The following ANO1 variants were observed in gnomAD, a reference collection of about 807,000 sequenced individuals.
ANO1 encodes the protein anoctamin 1, also known as anoctamin-1.
ANO1 carries 59 observed loss-of-function variants against 124.0 expected under a neutral mutation model. The ratio of observed to expected loss-of-function variants is 0.48; its 90% CI spans 0.39 to 0.59. The LOEUF is 0.59. Ranked by LOEUF, ANO1 falls within the 20% of genes least tolerant of loss-of-function variation. ANO1 has a pLI of 0.00. For missense variants in ANO1, 1,059 were observed against 1,328.0 expected (o/e 0.80, Z 3.15); for synonymous variants, 529 against 532.0 (o/e 0.99, Z 0.08).
intron 1 of ANO1, among the ~76,000 whole-genome samples, chr11:70,027,068 C>A (rs1555003315): frequency 6.6e-6 from 1 of 152,198 alleles, no homozygotes; most frequent in Non-Finnish European, 1.5e-5. Flanking sequence ...AGGATGACAG[C>A]AACACACTCC....
intron 1 of ANO1, among the ~76,000 whole-genome samples, chr11:70,001,931 C>T (rs1856389061): frequency 6.6e-6 from 1 of 152,052 alleles, no homozygotes; most frequent in Non-Finnish European, 1.5e-5. Flanking sequence ...TCTCCAGTAG[C>T]TCGGATTACA....
intron 1 of ANO1, among the ~76,000 whole-genome samples, chr11:70,030,150 G>T (rs1856975781): frequency 6.6e-6 from 1 of 152,324 alleles, no homozygotes; most frequent in South Asian, 2.1e-4. Flanking sequence ...AGCGAAAGTT[G>T]CTCAGTCTCC....
chr11:70,102,375 C>T (rs779937196), intron 2 of ANO1, among the ~76,000 whole-genome samples: 1 of 152,184 alleles, frequency 6.6e-6, no homozygotes, highest in Non-Finnish European at 1.5e-5. Flanking sequence ...AGCCAGCGCT[C>T]GGTGACTCTC....
chr11:70,153,550 G>T (rs2047684111), intron 14 of ANO1, among the ~76,000 whole-genome samples: 1 of 152,174 alleles, frequency 6.6e-6, no homozygotes, highest in Non-Finnish European at 1.5e-5. Flanking sequence ...AGAAGCCTTT[G>T]CCAAACCAGC....
chr11:70,121,212 T>C (rs1295537751), intron 8 of ANO1, among the ~76,000 whole-genome samples: 3 of 151,924 alleles, frequency 2.0e-5, no homozygotes, highest in Admixed American at 1.3e-4. Context: ...CACTTCTCTC[T>C]GTCCATCTCT....
intron 2 of ANO1, among the ~76,000 whole-genome samples, chr11:70,097,645 C>T (rs2045054362): frequency 6.6e-6 from 1 of 152,192 alleles, no homozygotes; most frequent in Non-Finnish European, 1.5e-5. Context: ...GCCTTCCCTG[C>T]CCCCTCGTCC....
chr11:70,152,559 C>T (rs1018829501), intron 13 of ANO1, 98 bp downstream of exon 13: 10 of 1,409,112 alleles, frequency 7.1e-6, no homozygotes, highest in Middle Eastern at 1.8e-4. Context: ...ACGCAGTTCC[C>T]GCAGTTCCTC....
In ANO1 at chr11:70,188,430, G is replaced by A. The variant is rs779861036; in HGVS notation, c.*426G>A. 6.2e-6 allele frequency: 1 copy of A among 162,174 alleles called. No homozygotes were observed. The highest frequency in any genetic ancestry group is 1.3e-5 in the Non-Finnish European group (1 of 74,794). The allele number at this position is 162,174 out of a possible 1,614,324, so 10.0% of individuals were successfully genotyped here. On this transcript the variant is annotated 3_prime_UTR_variant, in exon 26 of 26. Transcript: ENST00000355303. ...CGAGGCATCGCGCAAAAGCTGGTGCGATGCTTCAGGGAAAATGGAAAACCC... is the reference window on the plus strand; with the variant it reads ...CGAGGCATCGCGCAAAAGCTGGTGCAATGCTTCAGGGAAAATGGAAAACCC...
At chr11:70,066,330 T>C (rs971648349) in intron 1 of ANO1, among the ~76,000 whole-genome samples, 2 of 152,224 alleles carry the variant, frequency 1.3e-5, no homozygotes, top group South Asian at 2.1e-4. Context: ...GACCCCATGC[T>C]TGGTGTTTGG....
chr11:70,002,461 C>CAAAAAAAAAAAAAAAAAA (rs56246522), intron 1 of ANO1, among the ~76,000 whole-genome samples: 1 of 94,956 alleles, frequency 1.1e-5, no homozygotes, highest in African/African-American at 3.6e-5. Flanking sequence ...GAGACTCCAC[C>CAAAAAAAAAAAAAAAAAA]AAAAAAAAAA....
intron 12 of ANO1, 170 bp downstream of exon 12, chr11:70,149,962 C>G: frequency 1.4e-6 from 1 of 725,770 alleles, no homozygotes; most frequent in Non-Finnish European, 2.4e-6. Flanking sequence ...ACTCAACACC[C>G]TGGCGTTCCG....
chr11:70,041,582 TAAC>T (rs1156956441), intron 1 of ANO1, among the ~76,000 whole-genome samples: 4 of 152,146 alleles, frequency 2.6e-5, no homozygotes, highest in Admixed American at 6.5e-5. Flanking sequence ...TGAGCTCAAA[TAAC>T]AACAACAGCA....
chr11:70,046,844 T>C (rs1008698849), intron 1 of ANO1, among the ~76,000 whole-genome samples: 3 of 151,874 alleles, frequency 2.0e-5, no homozygotes, highest in Non-Finnish European at 4.4e-5. Context: ...GAGGCTGAGA[T>C]GGGAGGATCA....
intron 22 of ANO1, among the ~76,000 whole-genome samples, chr11:70,172,865 CA>C (rs59435571): frequency 2.1e-3 from 287 of 139,474 alleles, no homozygotes; most frequent in Middle Eastern, 3.7e-3. Context: ...GACTCCATCT[CA>C]AAAAAAAAAA....
At chr11:70,057,125 TTTG>T (rs564707333) in intron 1 of ANO1, among the ~76,000 whole-genome samples, 72 of 152,340 alleles carry the variant, frequency 4.7e-4, no homozygotes, top group African/African-American at 1.4e-3. Flanking sequence ...CTTGTTTTAC[TTTG>T]TTTTGTTTCT....
chr11:70,185,528 C>A, intron 24 of ANO1, 62 bp from the exon 25 acceptor site: 1 of 1,513,766 alleles, frequency 6.6e-7, no homozygotes, highest in Non-Finnish European at 9.1e-7. Flanking sequence ...AGCTGCCTGA[C>A]TCCAGCCAGA....
At chr11:70,086,593 G>T (rs568691672) in intron 1 of ANO1, among the ~76,000 whole-genome samples, 1 of 152,210 alleles carries the variant, frequency 6.6e-6, no homozygotes, top group African/African-American at 2.4e-5. Flanking sequence ...CGCAGGCCAC[G>T]TGTGGGGAAG....
intron 1 of ANO1, among the ~76,000 whole-genome samples, chr11:70,029,234 G>T (rs1048765296): frequency 6.6e-6 from 1 of 152,216 alleles, no homozygotes; most frequent in Admixed American, 6.5e-5. Flanking sequence ...GGGTTGTCCT[G>T]TGGTGCTTTC....
At chr11:70,003,631 A>C (rs944763382) in intron 1 of ANO1, among the ~76,000 whole-genome samples, 1 of 151,710 alleles carries the variant, frequency 6.6e-6, no homozygotes, top group Non-Finnish European at 1.5e-5. Context: ...GGATGGATGG[A>C]TGGATGGATG....
Sources: gnomAD v4.1 joint callset for allele counts (sites outside exome capture counted in the v4.1 genomes callset) on GRCh38, gnomAD v4.1.1 for gene constraint, MANE v1.5 for transcripts, NCBI Gene and HGNC (gene_info 2026-07-23, HGNC 2026-07-21) for gene names.